Variants in PICALM observed in about 807,000 individuals in gnomAD.
PICALM encodes the protein phosphatidylinositol-binding clathrin assembly protein.
PICALM carries 40 observed loss-of-function variants against 80.5 expected under a neutral mutation model. The ratio of observed to expected loss-of-function variants is 0.50; its 90% CI spans 0.39 to 0.65. The LOEUF is 0.65. Among genes scored for constraint, PICALM ranks in the 30% least tolerant of loss-of-function variants. The pLI is 0.00. For synonymous variants in PICALM, 288 were observed against 260.3 expected, an observed-to-expected ratio of 1.11 and a Z score of -1.02; for missense variants, 676 against 778.9, an observed-to-expected ratio of 0.87 and a Z score of 1.57.
intron 14 of PICALM, among the ~76,000 whole-genome samples, chr11:85,983,483 T>C (rs1450755192): frequency 6.6e-6 from 1 of 152,168 alleles, no homozygotes; most frequent in Non-Finnish European, 1.5e-5. Flanking sequence ...ATTATTCTAG[T>C]TTACAAACAT....
intron 18 of PICALM, among the ~76,000 whole-genome samples, chr11:85,975,695 C>G (rs1014232516): frequency 7.2e-6 from 1 of 138,020 alleles, no homozygotes; most frequent in African/African-American, 2.7e-5. Context: ...CTCCTGGGTT[C>G]AAGCCATTCT....
At chr11:86,047,336 C>G (rs1248387945) in intron 1 of PICALM, among the ~76,000 whole-genome samples, 5 of 152,226 alleles carry the variant, frequency 3.3e-5, no homozygotes. Flanking sequence ...TTGGCATAAT[C>G]ATCTTCTTTG....
intron 1 of PICALM, among the ~76,000 whole-genome samples, chr11:86,048,011 G>C (rs1471158499): frequency 6.6e-6 from 1 of 151,930 alleles, no homozygotes; most frequent in African/African-American, 2.4e-5. Flanking sequence ...TGACGCAGGA[G>C]AATCTCCTGA....
At chr11:85,971,418 C>T (rs1279900672) in intron 19 of PICALM, among the ~76,000 whole-genome samples, 1 of 151,956 alleles carries the variant, frequency 6.6e-6, no homozygotes, top group Non-Finnish European at 1.5e-5. Flanking sequence ...TTTTAGAAGG[C>T]AACAGGACGT....
rs114431290 is a variant in PICALM at position 86,063,514 on chromosome 11, T to A, written c.130+5137A>T. ...CTACAAAAAATAGTTGAATATTAAG[T>A]TCTCTTTAGAGTTCCTCTTTTAAAA... is the stretch of plus-strand genomic sequence containing the variant. On this transcript the variant is annotated intron_variant, in intron 1 of 19. Coordinates refer to ENST00000393346, the MANE Select transcript of PICALM (RefSeq NM_007166.4). Among the ~76,000 whole-genome samples the A allele has an allele frequency of 8.2e-3, 1,250 of 152,308 alleles. 20 individuals carry two copies. Among genetic ancestry groups the A allele is most frequent in the African/African-American group, 0.028 (1,164 of 41,580 alleles).
At chr11:86,068,303 G>C (rs970978751) in intron 1 of PICALM, among the ~76,000 whole-genome samples, 10 of 152,242 alleles carry the variant, frequency 6.6e-5, no homozygotes. Context: ...CGGGTGGGAA[G>C]GAAGAGCAGA....
At chr11:85,967,386 C>T (rs923714753) in intron 19 of PICALM, among the ~76,000 whole-genome samples, 2 of 152,134 alleles carry the variant, frequency 1.3e-5, no homozygotes, top group Admixed American at 6.5e-5. Context: ...TCTACCTTTT[C>T]GAGAATGTCC....
intron 1 of PICALM, among the ~76,000 whole-genome samples, chr11:86,047,166 C>T (rs985908537): frequency 6.6e-6 from 1 of 152,234 alleles, no homozygotes; most frequent in African/African-American, 2.4e-5. Flanking sequence ...CACACACACT[C>T]TACCCCCATT....
intron 1 of PICALM, among the ~76,000 whole-genome samples, chr11:86,068,348 C>T (rs2096476562): frequency 6.6e-6 from 1 of 152,030 alleles, no homozygotes; most frequent in Non-Finnish European, 1.5e-5. Flanking sequence ...GGTGAGAAGC[C>T]AGGTGGGGAA....
chr11:86,001,183 T>G (rs758215717), intron 9 of PICALM, 25 bp from the exon 10 acceptor site: 20 of 1,609,176 alleles, frequency 1.2e-5, no homozygotes, highest in South Asian at 2.2e-5. Flanking sequence ...CAGAGATAAT[T>G]TGGCTTTTTG....
At chr11:86,010,507 A>C (rs1471566968) in intron 7 of PICALM, among the ~76,000 whole-genome samples, 1 of 152,040 alleles carries the variant, frequency 6.6e-6, no homozygotes, top group Non-Finnish European at 1.5e-5. Context: ...TTGTATCTTT[A>C]GTATAGACGG....
At chr11:86,066,741 C>T (rs1244671640) in intron 1 of PICALM, among the ~76,000 whole-genome samples, 4 of 148,884 alleles carry the variant, frequency 2.7e-5, no homozygotes, top group Admixed American at 6.6e-5. Context: ...CTTCATACTC[C>T]CATACAAAAA....
chr11:86,027,498 G>GTAT (rs1302623147), intron 2 of PICALM, among the ~76,000 whole-genome samples: 6 of 149,884 alleles, frequency 4.0e-5, no homozygotes, highest in African/African-American at 1.5e-4. Context: ...TCTGAAATCA[G>GTAT]TATTTTTTTT....
intron 1 of PICALM, among the ~76,000 whole-genome samples, chr11:86,063,322 CAA>C (rs1256511039): frequency 6.6e-6 from 1 of 151,936 alleles, no homozygotes; most frequent in Non-Finnish European, 1.5e-5. Flanking sequence ...ACTTTAAATT[CAA>C]AGACACCTTT....
chr11:85,967,578 G>C (rs1218060516), intron 19 of PICALM, among the ~76,000 whole-genome samples: 1 of 152,182 alleles, frequency 6.6e-6, no homozygotes, highest in Non-Finnish European at 1.5e-5. Flanking sequence ...ATGGTATTCT[G>C]CAGTAGGCAA....
chr11:86,001,649 G>T (rs986326594), intron 9 of PICALM, among the ~76,000 whole-genome samples: 6 of 152,184 alleles, frequency 3.9e-5, no homozygotes, highest in Non-Finnish European at 2.9e-5. Flanking sequence ...CATCCCCAGA[G>T]GACTTCAGGT....
intron 1 of PICALM, among the ~76,000 whole-genome samples, chr11:86,038,059 C>G (rs1280449430): frequency 6.6e-6 from 1 of 152,236 alleles, no homozygotes; most frequent in Non-Finnish European, 1.5e-5. Context: ...GAGGCTTACG[C>G]CTATAATCCC....
At chr11:86,036,894 G>A (rs183460584) in intron 1 of PICALM, among the ~76,000 whole-genome samples, 5 of 145,372 alleles carry the variant, frequency 3.4e-5, no homozygotes, top group African/African-American at 7.8e-5. Context: ...TTGAGGTCAC[G>A]AGTTTGAGAC....
At chr11:85,976,527 G>A (rs2094288602) in intron 18 of PICALM, 96 bp downstream of exon 18, 1 of 750,068 alleles carries the variant, frequency 1.3e-6, no homozygotes, top group Non-Finnish European at 2.4e-6. Context: ...AGGAGTATGA[G>A]GAGCACTAAA....
Sources: gnomAD v4.1 joint callset for allele counts (sites outside exome capture counted in the v4.1 genomes callset) on GRCh38, gnomAD v4.1.1 for gene constraint, MANE v1.5 for transcripts, NCBI Gene and HGNC (gene_info 2026-07-23, HGNC 2026-07-21) for gene names.